The following CDK14 variants were observed in gnomAD, a reference collection of about 807,000 sequenced individuals.
CDK14 encodes cyclin-dependent kinase 14.
Under a neutral mutation model 60.7 loss-of-function variants are expected in CDK14, and 34 were observed. The ratio of observed to expected loss-of-function variants is 0.56; its 90% CI spans 0.43 to 0.75. The LOEUF (loss-of-function observed/expected upper bound fraction) is 0.75. CDK14 is among the 30% of genes least tolerant of loss of function. The pLI is 0.00. For missense variants in CDK14, 482 were observed against 564.1 expected (o/e 0.85, Z 1.47); for synonymous variants, 197 against 203.7 (o/e 0.97, Z 0.28).
intron 12 of CDK14, among the ~76,000 whole-genome samples, chr7:91,087,153 T>C (rs1267339474): frequency 6.6e-6 from 1 of 152,188 alleles, no homozygotes; most frequent in East Asian, 1.9e-4. Flanking sequence ...CACCTTCTAC[T>C]TATTTGATTT....
At chr7:91,062,233 G>C (rs1374239341) in intron 11 of CDK14, among the ~76,000 whole-genome samples, 2 of 152,168 alleles carry the variant, frequency 1.3e-5, no homozygotes, top group African/African-American at 2.4e-5. Flanking sequence ...TGTGACGTTT[G>C]CTAAGACCAT....
At chr7:90,710,995 C>T (rs1299905062) in intron 2 of CDK14, among the ~76,000 whole-genome samples, 1 of 151,948 alleles carries the variant, frequency 6.6e-6, no homozygotes, top group Non-Finnish European at 1.5e-5. Context: ...AGGATGTCAG[C>T]ATTTGATTTT....
chr7:90,641,745 A>G (rs1453766251), intron 2 of CDK14, among the ~76,000 whole-genome samples: 1 of 92,576 alleles, frequency 1.1e-5, no homozygotes, highest in East Asian at 2.9e-4. Flanking sequence ...GTTTGGCACA[A>G]CTCTGTAAAT....
intron 6 of CDK14, among the ~76,000 whole-genome samples, chr7:90,893,203 C>G (rs1792192087): frequency 6.6e-6 from 1 of 152,062 alleles, no homozygotes; most frequent in Admixed American, 6.6e-5. Context: ...GTAACCTTGT[C>G]AGACACAAGT....
At chr7:90,636,161 C>T (rs969429495) in intron 2 of CDK14, among the ~76,000 whole-genome samples, 1 of 151,464 alleles carries the variant, frequency 6.6e-6, no homozygotes, top group Non-Finnish European at 1.5e-5. Flanking sequence ...GCCAGAACTT[C>T]CAACACTATG....
At chr7:91,189,325 AG>A (rs1802283905) in intron 14 of CDK14, among the ~76,000 whole-genome samples, 1 of 152,158 alleles carries the variant, frequency 6.6e-6, no homozygotes, top group Non-Finnish European at 1.5e-5. Flanking sequence ...CATCACATTT[AG>A]TGTGTGTGTT....
At chr7:90,707,756 T>C (rs1398125160) in intron 2 of CDK14, among the ~76,000 whole-genome samples, 1 of 152,182 alleles carries the variant, frequency 6.6e-6, no homozygotes, top group Non-Finnish European at 1.5e-5. Flanking sequence ...TCCTGGGTAG[T>C]ACTGGAAGCT....
intron 2 of CDK14, among the ~76,000 whole-genome samples, chr7:90,687,678 G>A (rs1801465453): frequency 6.6e-6 from 1 of 152,044 alleles, no homozygotes; most frequent in African/African-American, 2.4e-5. Flanking sequence ...CATCTGTGAT[G>A]CTTTTGGGTA....
At chr7:90,925,341 T>C (rs1287981784) in intron 8 of CDK14, among the ~76,000 whole-genome samples, 1 of 152,124 alleles carries the variant, frequency 6.6e-6, no homozygotes, top group East Asian at 1.9e-4. Flanking sequence ...GATCCAGCCA[T>C]AGAGTTGGGA....
chr7:90,879,073 C>T (rs557469339), intron 6 of CDK14, among the ~76,000 whole-genome samples: 51 of 152,168 alleles, frequency 3.4e-4, no homozygotes, highest in Non-Finnish European at 6.6e-4. Context: ...CTTTGGCCAA[C>T]GAATTGAGCA....
At chr7:91,091,226 T>C (rs1212028212) in intron 12 of CDK14, among the ~76,000 whole-genome samples, 1 of 149,460 alleles carries the variant, frequency 6.7e-6, no homozygotes, top group Non-Finnish European at 1.5e-5. Context: ...CAAGACCCTA[T>C]CTGTAAAAAA....
intron 11 of CDK14, among the ~76,000 whole-genome samples, chr7:91,062,351 G>A (rs1797829109): frequency 6.6e-6 from 1 of 152,148 alleles, no homozygotes; most frequent in Admixed American, 6.5e-5. Context: ...CACTTCCCGG[G>A]TGAGGTGATG....
At chr7:90,941,472 G>A (rs1793930245) in intron 8 of CDK14, among the ~76,000 whole-genome samples, 1 of 152,158 alleles carries the variant, frequency 6.6e-6, no homozygotes, top group African/African-American at 2.4e-5. Flanking sequence ...TGTTTTTAGA[G>A]ACAGGGTCCT....
chr7:90,807,444 T>A (rs1466975419), intron 5 of CDK14, among the ~76,000 whole-genome samples: 1 of 151,966 alleles, frequency 6.6e-6, no homozygotes, highest in African/African-American at 2.4e-5. Context: ...AGAAAGGACA[T>A]CCACACCAAA....
chr7:90,926,599 C>T (rs561729836), intron 8 of CDK14, among the ~76,000 whole-genome samples: 1 of 152,280 alleles, frequency 6.6e-6, no homozygotes, highest in Admixed American at 6.5e-5. Context: ...TCACCTTTTC[C>T]ATGGTACTGT....
At chr7:91,153,154 T>C (rs1006421585) in intron 14 of CDK14, among the ~76,000 whole-genome samples, 1 of 152,090 alleles carries the variant, frequency 6.6e-6, no homozygotes, top group Non-Finnish European at 1.5e-5. Context: ...ATTGAAAAAC[T>C]AACAAGAAGC....
intron 14 of CDK14, among the ~76,000 whole-genome samples, chr7:91,120,903 T>C (rs1468439863): frequency 6.6e-6 from 1 of 152,110 alleles, no homozygotes; most frequent in Non-Finnish European, 1.5e-5. Context: ...CATGATTCAA[T>C]ATAATGCTGA....
At chr7:90,958,342 G>T (rs937637223) in intron 9 of CDK14, among the ~76,000 whole-genome samples, 4 of 152,090 alleles carry the variant, frequency 2.6e-5, no homozygotes, top group African/African-American at 9.7e-5. Context: ...TAGCTCTAAA[G>T]CTTTCTAGTA....
intron 2 of CDK14, among the ~76,000 whole-genome samples, chr7:90,702,255 G>T (rs1339118732): frequency 1.3e-5 from 2 of 152,148 alleles, no homozygotes; most frequent in East Asian, 3.8e-4. Context: ...TGGCAAAAAG[G>T]ATTCGACTAA....
Sources: allele counts gnomAD v4.1 joint callset (sites outside exome capture counted in the v4.1 genomes callset), GRCh38; gene constraint gnomAD v4.1.1; transcripts MANE v1.5; gene names NCBI Gene and HGNC (gene_info 2026-07-23, HGNC 2026-07-21).